DENND2B: variants seen among roughly 807,000 people sequenced by gnomAD.
The protein encoded by DENND2B is DENN domain-containing protein 2B.
DENND2B carries 32 observed loss-of-function variants against 116.0 expected under a neutral mutation model. The observed-to-expected ratio is 0.28, with a 90% CI of 0.21 to 0.37. DENND2B has a LOEUF of 0.37. Ranked by LOEUF, DENND2B falls within the 10% of genes least tolerant of loss-of-function variation. The pLI is 1.00. For synonymous variants in DENND2B, 588 were observed against 583.9 expected, an observed-to-expected ratio of 1.01 and a Z score of -0.10; for missense variants, 1,276 against 1,477.7, an observed-to-expected ratio of 0.86 and a Z score of 2.24.
At chr11:8,822,385 G>T (rs987093816) in intron 4 of DENND2B, among the ~76,000 whole-genome samples, 21 of 152,098 alleles carry the variant, frequency 1.4e-4, no homozygotes, top group African/African-American at 4.8e-4. Context: ...TTACTCTCTT[G>T]GCAAATTTCA....
At chr11:8,774,295 A>G (rs932476130) in intron 1 of DENND2B, 2 of 985,334 alleles carry the variant, frequency 2.0e-6, no homozygotes, top group East Asian at 1.1e-4. Context: ...CCCAAAGCAC[A>G]GTAATCACCT....
intron 1 of DENND2B, among the ~76,000 whole-genome samples, chr11:8,770,340 G>A (rs1020331223): frequency 1.3e-5 from 2 of 152,058 alleles, no homozygotes; most frequent in African/African-American, 2.4e-5. Flanking sequence ...TCTTGCCCTC[G>A]GTTCACTCAA....
intron 1 of DENND2B, among the ~76,000 whole-genome samples, chr11:8,889,725 A>G (rs931359976): frequency 2.0e-5 from 3 of 152,210 alleles, no homozygotes; most frequent in Non-Finnish European, 4.4e-5. Context: ...AGGCTTGAGT[A>G]GGTAAACAAA....
intron 4 of DENND2B, among the ~76,000 whole-genome samples, chr11:8,721,205 C>T (rs772276866): frequency 7.2e-5 from 11 of 152,016 alleles, no homozygotes; most frequent in Non-Finnish European, 8.8e-5. Flanking sequence ...AAAGGTGTCA[C>T]ACAAATCCTC....
chr11:8,826,559 A>G (rs2061984245), intron 4 of DENND2B, among the ~76,000 whole-genome samples: 2 of 152,170 alleles, frequency 1.3e-5, no homozygotes, highest in Admixed American at 1.3e-4. Flanking sequence ...TGCTTCTTCT[A>G]AGGATCTGGG....
Position 8,817,691 on chromosome 11 carries a change from C to T in DENND2B, c.-114-6356G>A, listed in dbSNP as rs141005959. Among the ~76,000 whole-genome samples the T allele has an allele frequency of 1.9e-3, 295 of 152,280 alleles. 7 individuals carry two copies. The East Asian group carries it at 0.046, about 24-fold the overall frequency. On this transcript the variant is annotated intron_variant, in intron 4 of 6. Transcript: ENST00000524757. ...CAGTCATCCAGCCCTAGTTCACCTC[C>T]GCTCAGCTCACAACCCTCCGTATAA...
intron 2 of DENND2B, 124 bp from the exon 3 acceptor site, chr11:8,731,333 A>AATTAC: frequency 1.1e-6 from 1 of 950,830 alleles, no homozygotes; most frequent in Non-Finnish European, 1.5e-6. Context: ...CTCAAAGAGT[A>AATTAC]TTCTATTCAA....
intron 7 of DENND2B, 96 bp downstream of exon 7, chr11:8,714,514 G>T: frequency 9.6e-7 from 1 of 1,043,272 alleles, no homozygotes; most frequent in Non-Finnish European, 1.4e-6. Flanking sequence ...CCATTTCCTG[G>T]CAGGGCTCTA....
At position 8,882,693 on chromosome 11, in the gene DENND2B, A is replaced by G. The variant is rs574383758; in HGVS notation, c.-255-1584T>C. On this transcript the variant is annotated intron_variant, in intron 1 of 22. Coordinates refer to the DENND2B transcript ENST00000534127. ...CTATGGTTATTTTTAATTTTAAAAGATTATCATTTTTTGGTTGGGCACTGT... is the reference window on the plus strand; with the variant it reads ...CTATGGTTATTTTTAATTTTAAAAGGTTATCATTTTTTGGTTGGGCACTGT... Among the ~76,000 whole-genome samples the G allele has an allele frequency of 1.1e-3, 168 of 152,326 alleles. 2 individuals are homozygous for G. Among genetic ancestry groups the G allele is most frequent in the African/African-American group, 3.8e-3 (159 of 41,572 alleles).
intron 1 of DENND2B, among the ~76,000 whole-genome samples, chr11:8,800,002 A>G (rs1458695599): frequency 1.3e-5 from 2 of 151,462 alleles, no homozygotes; most frequent in Non-Finnish European, 2.9e-5. Context: ...CACCCAGGCT[A>G]GAGTGCAGTG....
In DENND2B at chr11:8,723,175, T is replaced by C. The variant is rs370337450; in HGVS notation, c.1477+2898A>G. On this transcript the variant is annotated intron_variant, in intron 4 of 19. Coordinates refer to ENST00000313726, the MANE Select transcript of DENND2B (RefSeq NM_213618.2). ...CCCAGGACCCTGGGAGCACCCAGTG[T>C]GGCTGCTGCCGTGGGCAGAGAGGGC... Among the ~76,000 whole-genome samples the C allele has an allele frequency of 6.6e-5, 10 of 152,256 alleles. No individual in the cohort carries two copies. The South Asian group carries it at 8.3e-4, about 13-fold the overall frequency.
intron 1 of DENND2B, chr11:8,785,106 T>C (rs1197326078): frequency 1.3e-5 from 2 of 152,138 alleles, no homozygotes; most frequent in African/African-American, 4.8e-5. Context: ...ACATCTAAGA[T>C]GCCACGGGTG....
intron 3 of DENND2B, among the ~76,000 whole-genome samples, chr11:8,853,735 A>G (rs1270457458): frequency 6.6e-6 from 1 of 152,244 alleles, no homozygotes; most frequent in African/African-American, 2.4e-5. Flanking sequence ...ATAAATATGT[A>G]CATCTGTATG....
rs563928546 is a variant in DENND2B, at chr11:8,734,823, T to C, written c.81-3614A>G. Among the ~76,000 whole-genome samples the C allele has an allele frequency of 1.6e-3, 234 of 146,084 alleles. 7 individuals carry two copies. Among genetic ancestry groups the C allele is most frequent in the South Asian group, 4.4e-4 (2 of 4,558 alleles). ...AAAAAAAAAAAAAAGAAAGATCACATATCTCAGAGAATCCCTGTGAGAAAT... is the reference window on the plus strand; with the variant it reads ...AAAAAAAAAAAAAAGAAAGATCACACATCTCAGAGAATCCCTGTGAGAAAT... On this transcript the variant is annotated intron_variant, in intron 2 of 19. Coordinates refer to ENST00000313726, the MANE Select transcript of DENND2B (RefSeq NM_213618.2).
At chr11:8,894,997 C>A (rs895024132) in intron 1 of DENND2B, among the ~76,000 whole-genome samples, 25 of 152,116 alleles carry the variant, frequency 1.6e-4, no homozygotes, top group Admixed American at 1.6e-3. Flanking sequence ...TTGGAACCAA[C>A]CCAAATGTCC....
chr11:8,731,452 T>C lies in DENND2B; in HGVS notation c.81-243A>G, dbSNP rs143936573. ...AACCATCCCCAGGCACCCTGAGTAA[T>C]GTCTGAAACAGACACCTGTTCTGTG... On this transcript the variant is annotated intron_variant, in intron 2 of 19. Transcript: ENST00000313726. 3.9e-3 allele frequency among the ~76,000 whole-genome samples: 592 copies of C among 152,322 alleles called. 5 individuals are homozygous for C. Among genetic ancestry groups the C allele is most frequent in the Admixed American group, 8.1e-3 (124 of 15,306 alleles).
At chr11:8,834,576 T>G (rs184508814) in intron 4 of DENND2B, among the ~76,000 whole-genome samples, 9 of 152,346 alleles carry the variant, frequency 5.9e-5, no homozygotes, top group African/African-American at 1.9e-4. Context: ...AAGTTAGGCA[T>G]GGCACATTCC....
chr11:8,798,434 GA>G, intron 1 of DENND2B, among the ~76,000 whole-genome samples: 1 of 152,058 alleles, frequency 6.6e-6, no homozygotes, highest in Non-Finnish European at 1.5e-5. Flanking sequence ...AACTTTTGGG[GA>G]ACACCAAAAA....
At chr11:8,903,763 C>A (rs1047934027) in intron 1 of DENND2B, among the ~76,000 whole-genome samples, 1 of 151,692 alleles carries the variant, frequency 6.6e-6, no homozygotes, top group African/African-American at 2.4e-5. Flanking sequence ...GTGATGCATG[C>A]CTGTAGTCCC....
Sources: gnomAD v4.1 joint callset for allele counts (sites outside exome capture counted in the v4.1 genomes callset) on GRCh38, gnomAD v4.1.1 for gene constraint, MANE v1.5 for transcripts, NCBI Gene and HGNC (gene_info 2026-07-23, HGNC 2026-07-21) for gene names.